Variants in ZNF560 observed in about 807,000 individuals in gnomAD.
The protein encoded by ZNF560 is zinc finger protein 560.
Under a neutral mutation model 81.8 loss-of-function variants are expected in ZNF560, and 54 were observed. The ratio of observed to expected loss-of-function variants is 0.66; its 90% confidence interval spans 0.53 to 0.83. The LOEUF is 0.83. Among genes scored for constraint, ZNF560 ranks in the 40% least tolerant of loss-of-function variants. The probability of loss-of-function intolerance (pLI) is 0.00; values close to 1 mark genes in which losing one functional copy is unlikely to be tolerated. For missense variants in ZNF560, 940 were observed against 932.4 expected (o/e 1.01, Z -0.11); for synonymous variants, 321 against 317.9 (o/e 1.01, Z -0.10).
chr19:9,470,912 G>T (rs892381215), intron 6 of ZNF560, among the ~76,000 whole-genome samples: 1 of 152,146 alleles, frequency 6.6e-6, no homozygotes, highest in Admixed American at 6.5e-5. Context: ...ATATGCAGTT[G>T]GCACCAGGAA....
Position 9,467,848 on chromosome 19 carries a change from T to A in ZNF560, c.1099A>T (p.Met367Leu). The change falls in exon 10 of 10, where the codon ATG becomes TTG. Residue 367 changes from methionine to leucine, a missense_variant. Coordinates refer to ENST00000301480, the MANE Select transcript of ZNF560 (RefSeq NM_152476.3). ...GGTTTTATCCCAATGTGGGTTTGCA[T>A]GTGATTATTAAGGTGGGTAGGGTAT... Reference protein sequence around the residue: ...FRYPTHLNNHMQTHIGIKPYK... With the variant: ...FRYPTHLNNHLQTHIGIKPYK... 6.2e-7 allele frequency: 1 copy of A among 1,614,202 alleles called. No homozygotes were observed. Among genetic ancestry groups the A allele is most frequent in the South Asian group, 1.1e-5 (1 of 91,084 alleles).
intron 2 of ZNF560, among the ~76,000 whole-genome samples, chr19:9,479,034 C>A (rs1396302449): frequency 6.6e-6 from 1 of 151,864 alleles, no homozygotes; most frequent in African/African-American, 2.4e-5. Context: ...GGCATGGTGA[C>A]GGGCACCTGT....
chr19:9,494,650 T>C (rs1042840166), intron 2 of ZNF560, among the ~76,000 whole-genome samples: 1 of 150,376 alleles, frequency 6.6e-6, no homozygotes, highest in African/African-American at 2.4e-5. Flanking sequence ...GCAGGAGAAT[T>C]GCTTGAACCT....
chr19:9,450,021 G>A, the ZNF560 span, among the ~76,000 whole-genome samples: 6 of 141,974 alleles, frequency 4.2e-5, no homozygotes, highest in Non-Finnish European at 6.1e-5. Context: ...GGCCAGGCAC[G>A]ATGGCTTGTG....
chr19:9,463,473 C>A (rs2072966267), downstream of ZNF560, among the ~76,000 whole-genome samples: 1 of 152,108 alleles, frequency 6.6e-6, no homozygotes, highest in Non-Finnish European at 1.5e-5. Context: ...TTGAGACAAT[C>A]AGGATGGCAT....
rs149542534 is a variant in ZNF560 at position 9,489,885 on chromosome 19, C to A, written c.-57+8243G>T. ...GATTACAGGTGTGAGCCACTGCACCCGGCCAGTCTCTTGTATTTCTTTATA... is the reference window on the plus strand; with the variant it reads ...GATTACAGGTGTGAGCCACTGCACCAGGCCAGTCTCTTGTATTTCTTTATA... On this transcript the variant is annotated intron_variant, in intron 2 of 9. Coordinates refer to ENST00000301480, the MANE Select transcript of ZNF560 (RefSeq NM_152476.3). Among the ~76,000 whole-genome samples the A allele has an allele frequency of 1.4e-3, 214 of 152,288 alleles. 3 individuals carry two copies. The highest frequency in any genetic ancestry group is 5.0e-3 in the African/African-American group (206 of 41,566).
the ZNF560 span, among the ~76,000 whole-genome samples, chr19:9,448,483 C>G: frequency 6.6e-6 from 1 of 150,474 alleles, no homozygotes; most frequent in South Asian, 2.1e-4. Context: ...TGTCCACCCT[C>G]CTCAGCCTCC....
At chr19:9,471,421 A>G in intron 5 of ZNF560, 43 bp from the exon 6 acceptor site, 1 of 1,224,370 alleles carries the variant, frequency 8.2e-7, no homozygotes, top group Non-Finnish European at 1.1e-6. Flanking sequence ...TTTTTTAAAA[A>G]AAAAGGTAAA....
chr19:9,500,842 T>G (rs1485845327), upstream of ZNF560, among the ~76,000 whole-genome samples: 1 of 152,144 alleles, frequency 6.6e-6, no homozygotes, highest in Non-Finnish European at 1.5e-5. Context: ...CCCAAAGTGC[T>G]GGGATTACAG....
At chr19:9,448,383 C>A in the ZNF560 span, among the ~76,000 whole-genome samples, 1 of 143,888 alleles carries the variant, frequency 6.9e-6, no homozygotes, top group African/African-American at 2.6e-5. Flanking sequence ...AGGCATGCAC[C>A]ACCATGCCTG....
At chr19:9,473,287 G>A in intron 4 of ZNF560, 28 bp from the exon 5 acceptor site, 1 of 1,572,438 alleles carries the variant, frequency 6.4e-7, no homozygotes, top group Non-Finnish European at 8.7e-7. Context: ...ATACATTAAT[G>A]GAAGAGGCTC....
chr19:9,462,349 T>A (rs921408743), downstream of ZNF560, among the ~76,000 whole-genome samples: 1 of 152,226 alleles, frequency 6.6e-6, no homozygotes, highest in African/African-American at 2.4e-5. Context: ...AATGACATGC[T>A]CCTGCTGCAG....
chr19:9,489,572 G>A (rs569132041), intron 2 of ZNF560, among the ~76,000 whole-genome samples: 25 of 152,288 alleles, frequency 1.6e-4, no homozygotes, highest in South Asian at 4.1e-4. Context: ...TTGGGTGGCC[G>A]GGAACTTCTT....
downstream of ZNF560, among the ~76,000 whole-genome samples, chr19:9,465,152 G>C (rs1451671589): frequency 2.7e-5 from 3 of 109,280 alleles, no homozygotes; most frequent in Non-Finnish European, 5.5e-5. Context: ...TTTTTTTTGA[G>C]ATGGAGTCTC....
intron 2 of ZNF560, among the ~76,000 whole-genome samples, chr19:9,494,134 A>G (rs1381415849): frequency 6.6e-6 from 1 of 151,102 alleles, no homozygotes; most frequent in South Asian, 2.1e-4. Context: ...CCATCTCAAA[A>G]AAAAAAAAAA....
At chr19:9,460,967 A>C in the ZNF560 span, among the ~76,000 whole-genome samples, 1 of 152,212 alleles carries the variant, frequency 6.6e-6, no homozygotes, top group South Asian at 2.1e-4. Context: ...TAAAACGATC[A>C]GATGGTAAAA....
chr19:9,448,227 G>T, the ZNF560 span, among the ~76,000 whole-genome samples: 86,415 of 150,960 alleles, frequency 0.57, 25,372 homozygotes, highest in African/African-American at 0.7. Flanking sequence ...TGTGCGTGTG[G>T]CGGGGGGTTT....
the ZNF560 span, among the ~76,000 whole-genome samples, chr19:9,453,118 A>T: frequency 6.6e-6 from 1 of 152,176 alleles, no homozygotes; most frequent in Non-Finnish European, 1.5e-5. Context: ...TGATAGTATT[A>T]GTACCTTATA....
chr19:9,502,976 C>T (rs2073643794), upstream of ZNF560, among the ~76,000 whole-genome samples: 1 of 151,958 alleles, frequency 6.6e-6, no homozygotes, highest in Non-Finnish European at 1.5e-5. Context: ...TTTATTATTT[C>T]CTTTCTTCTG....
Sources: gnomAD v4.1 joint callset for allele counts (sites outside exome capture counted in the v4.1 genomes callset) on GRCh38, gnomAD v4.1.1 for gene constraint, MANE v1.5 for transcripts, NCBI Gene and HGNC (gene_info 2026-07-23, HGNC 2026-07-21) for gene names.